The following WDR7 variants were observed in gnomAD, a reference collection of about 807,000 sequenced individuals.
The protein encoded by WDR7 is WD repeat-containing protein 7.
Under a neutral mutation model 169.4 loss-of-function variants are expected in WDR7, and 46 were observed. That is an observed-to-expected ratio of 0.27 (90% CI 0.21 to 0.35). The LOEUF is 0.35. Among genes scored for constraint, WDR7 ranks in the 10% least tolerant of loss-of-function variants. The pLI, the probability that WDR7 is intolerant of heterozygous loss-of-function variation, is 1.00. For missense variants in WDR7, 1,534 were observed against 1,859.3 expected, an observed-to-expected ratio of 0.83 and a Z score of 3.22; for synonymous variants, 612 against 666.8, an observed-to-expected ratio of 0.92 and a Z score of 1.27.
At chr18:56,832,606 G>A (rs1181398020) in intron 20 of WDR7, among the ~76,000 whole-genome samples, 12 of 152,300 alleles carry the variant, frequency 7.9e-5, no homozygotes, top group Admixed American at 7.2e-4. Flanking sequence ...CTGGCATCTG[G>A]CAGGTGCCCC....
At chr18:56,732,233 G>A (rs746725730) in intron 14 of WDR7, among the ~76,000 whole-genome samples, 5 of 152,052 alleles carry the variant, frequency 3.3e-5, no homozygotes, top group Non-Finnish European at 7.4e-5. Flanking sequence ...GTTTTGTAGA[G>A]TCTAGCCACT....
In WDR7 at chr18:56,987,859, T is replaced by C. The variant is rs17090459; in HGVS notation, c.4164+25330T>C. Among the ~76,000 whole-genome samples the C allele has an allele frequency of 8.1e-3, 1,231 of 152,362 alleles. 14 individuals carry two copies. The highest frequency in any genetic ancestry group is 0.028 in the African/African-American group (1,168 of 41,582). ...CTTGGATTATGATGAATCACTGTCA[T>C]GCATAAGCTGGATATCTTAGGTCAA... On this transcript the variant is annotated intron_variant, in intron 26 of 27. Transcript: ENST00000254442.
chr18:56,962,351 T>C, intron 25 of WDR7, 79 bp from the exon 26 acceptor site: 3 of 1,041,220 alleles, frequency 2.9e-6, no homozygotes, highest in Non-Finnish European at 4.5e-6. Flanking sequence ...ACCTTTGAAA[T>C]GTTGCTGTCC....
Position 56,756,608 on chromosome 18 carries a change from A to T in WDR7, c.2015A>T (p.Asn672Ile). Reference sequence around the variant, plus strand: ...GGAAATTTACCTAAATATTCTCATAACTCCCTGATGGTTCAAGCAATAAAG... The same window carrying T: ...GGAAATTTACCTAAATATTCTCATATCTCCCTGATGGTTCAAGCAATAAAG... ...DKGNLPKYSH[N>I]SLMVQAIKTN... Residue 672 changes from asparagine to isoleucine, a missense_variant, in exon 15 of 28, where the codon AAC becomes ATC. Physicochemically the swap from Asn to Ile is moderately radical, Grantham distance 149. Transcript: ENST00000254442. The T allele has an allele frequency of 6.3e-7, 1 of 1,596,220 alleles. No individual in the cohort carries two copies. Among genetic ancestry groups the T allele is most frequent in the Non-Finnish European group, 8.5e-7 (1 of 1,173,160 alleles).
At chr18:56,940,886 C>G (rs899253299) in intron 25 of WDR7, among the ~76,000 whole-genome samples, 1 of 152,178 alleles carries the variant, frequency 6.6e-6, no homozygotes, top group Non-Finnish European at 1.5e-5. Context: ...GCCATATACT[C>G]AATCCCTAAA....
chr18:56,658,174 G>A (rs182175649), intron 1 of WDR7, among the ~76,000 whole-genome samples: 61 of 152,072 alleles, frequency 4.0e-4, no homozygotes, highest in African/African-American at 1.4e-3. Flanking sequence ...TATGATCTCG[G>A]CTCACTGCAA....
intron 20 of WDR7, among the ~76,000 whole-genome samples, chr18:56,829,806 A>C (rs543703214): frequency 6.6e-6 from 1 of 152,286 alleles, no homozygotes; most frequent in East Asian, 1.9e-4. Flanking sequence ...AAGCGTGTGA[A>C]TGTGGTATGT....
chr18:56,724,178 A>T (rs1598991707), intron 13 of WDR7, among the ~76,000 whole-genome samples: 1 of 131,450 alleles, frequency 7.6e-6, no homozygotes, highest in Admixed American at 7.5e-5. Context: ...TTTTTCACTC[A>T]GTATTGATCA....
intron 15 of WDR7, among the ~76,000 whole-genome samples, chr18:56,758,008 CATT>C (rs2043923733): frequency 6.7e-6 from 1 of 149,866 alleles, no homozygotes; most frequent in Non-Finnish European, 1.5e-5. Context: ...TGCTTCTTCT[CATT>C]GTAACATATG....
chr18:56,829,045 GGCTCAC>G, intron 20 of WDR7, among the ~76,000 whole-genome samples: 1 of 151,446 alleles, frequency 6.6e-6, no homozygotes, highest in East Asian at 1.9e-4. Context: ...TGAGCACAGT[GGCTCAC>G]ATACGAGGAT....
chr18:56,788,430 G>A (rs1025065486), intron 19 of WDR7, among the ~76,000 whole-genome samples: 2 of 151,994 alleles, frequency 1.3e-5, no homozygotes, highest in South Asian at 2.1e-4. Flanking sequence ...CCCTGATTTC[G>A]AATTTACTGT....
At chr18:56,874,049 G>GA (rs1391565877) in intron 20 of WDR7, 1 of 152,204 alleles carries the variant, frequency 6.6e-6, no homozygotes, top group Admixed American at 6.5e-5. Context: ...TGGGGGAGGG[G>GA]AGCTTGGTTT....
At chr18:56,819,770 A>G (rs577747032) in intron 20 of WDR7, among the ~76,000 whole-genome samples, 1 of 152,268 alleles carries the variant, frequency 6.6e-6, no homozygotes, top group African/African-American at 2.4e-5. Flanking sequence ...TAACTGCTTA[A>G]TAGAATTTAA....
At chr18:56,882,653 A>G (rs2046125711) in intron 21 of WDR7, among the ~76,000 whole-genome samples, 1 of 152,180 alleles carries the variant, frequency 6.6e-6, no homozygotes, top group South Asian at 2.1e-4. Flanking sequence ...TTAGGGAAGG[A>G]GTTCATTAGC....
chr18:56,659,631 A>G (rs1247748131), intron 1 of WDR7, among the ~76,000 whole-genome samples: 1 of 152,222 alleles, frequency 6.6e-6, no homozygotes, highest in Non-Finnish European at 1.5e-5. Flanking sequence ...GAAGAGGGCA[A>G]AGGAGTGTGC....
intron 23 of WDR7, 114 bp from the exon 24 acceptor site, chr18:56,938,419 C>T (rs952661471): frequency 9.7e-6 from 13 of 1,334,008 alleles, no homozygotes; most frequent in Non-Finnish European, 1.3e-5. Flanking sequence ...TTCTGACTCA[C>T]CCACAAGAAG....
At chr18:56,791,398 T>A (rs933065473) in intron 19 of WDR7, among the ~76,000 whole-genome samples, 2 of 152,174 alleles carry the variant, frequency 1.3e-5, no homozygotes, top group African/African-American at 4.8e-5. Flanking sequence ...AGATGTAAAT[T>A]ATCTTATTTT....
chr18:56,710,215 G>A lies in WDR7; in HGVS notation c.1579-7749G>A, dbSNP rs545185907. On this transcript the variant is annotated intron_variant, in intron 12 of 27. Transcript: ENST00000254442. ...ACACGGGGTTTCACCGTGTTAGCCA[G>A]GATGGTCTTGATTTCCTGACCTTGT... is the stretch of plus-strand genomic sequence containing the variant. Among the ~76,000 whole-genome samples, 5 of 152,040 alleles carry A rather than the reference G, an allele frequency of 3.3e-5. No individual in the cohort carries two copies. The South Asian group carries it at 1.0e-3, about 32-fold the overall frequency.
chr18:56,950,420 G>A (rs1426525938), intron 25 of WDR7, among the ~76,000 whole-genome samples: 1 of 152,094 alleles, frequency 6.6e-6, no homozygotes, highest in African/African-American at 2.4e-5. Flanking sequence ...TGCACCATCA[G>A]TGCAAAGTCA....
Sources: allele counts gnomAD v4.1 joint callset (sites outside exome capture counted in the v4.1 genomes callset), GRCh38; gene constraint gnomAD v4.1.1; transcripts MANE v1.5; gene names NCBI Gene and HGNC (gene_info 2026-07-23, HGNC 2026-07-21).